The following CNTNAP2 variants were observed in gnomAD, a reference collection of about 807,000 sequenced individuals.
CNTNAP2 encodes contactin-associated protein-like 2.
In CNTNAP2, 98 loss-of-function variants were observed where a neutral mutation model predicts 155.2. The ratio of observed to expected loss-of-function variants is 0.63; its 90% CI spans 0.54 to 0.75. CNTNAP2 has a LOEUF of 0.75. Ranked by LOEUF, CNTNAP2 falls within the 30% of genes least tolerant of loss-of-function variation. The probability of loss-of-function intolerance (pLI) is 0.00; values close to 1 mark genes in which losing one functional copy is unlikely to be tolerated. For missense variants in CNTNAP2, 1,727 were observed against 1,688.1 expected, an observed-to-expected ratio of 1.02 and a Z score of -0.40; for synonymous variants, 651 against 631.2, an observed-to-expected ratio of 1.03 and a Z score of -0.47.
chr7:147,371,149 T>C (rs913636564), intron 9 of CNTNAP2, among the ~76,000 whole-genome samples: 1 of 152,140 alleles, frequency 6.6e-6, no homozygotes, highest in African/African-American at 2.4e-5. Flanking sequence ...ATGAAGACAT[T>C]GATATGAAGA....
intron 3 of CNTNAP2, among the ~76,000 whole-genome samples, chr7:146,875,934 CAAAAAAAAAAAA>C (rs56304234): frequency 1.6e-4 from 9 of 55,132 alleles, no homozygotes; most frequent in East Asian, 1.0e-3. Flanking sequence ...ACATACACAG[CAAAAAAAAAAAA>C]AAAAAAAAAA....
At chr7:147,170,424 G>A (rs1432786904) in intron 8 of CNTNAP2, among the ~76,000 whole-genome samples, 1 of 151,884 alleles carries the variant, frequency 6.6e-6, no homozygotes, top group Non-Finnish European at 1.5e-5. Context: ...CCGTGGCTTT[G>A]TTTGTTTGTT....
intron 8 of CNTNAP2, among the ~76,000 whole-genome samples, chr7:147,162,711 A>G (rs1189415427): frequency 6.6e-6 from 1 of 152,198 alleles, no homozygotes; most frequent in African/African-American, 2.4e-5. Context: ...CAGCACATCT[A>G]GAAGCATAAG....
chr7:146,985,352 C>T (rs1340801612), intron 3 of CNTNAP2, among the ~76,000 whole-genome samples: 2 of 130,136 alleles, frequency 1.5e-5, no homozygotes, highest in African/African-American at 3.1e-5. Context: ...CAGTCTTGCT[C>T]TGTCTCCCAG....
At chr7:146,131,788 A>G (rs781760201) in intron 1 of CNTNAP2, among the ~76,000 whole-genome samples, 6 of 152,110 alleles carry the variant, frequency 3.9e-5, no homozygotes, top group African/African-American at 7.2e-5. Flanking sequence ...CTTATCTTGA[A>G]TTGTAATTTC....
chr7:147,725,681 C>A (rs899094753), intron 13 of CNTNAP2, among the ~76,000 whole-genome samples: 2 of 152,078 alleles, frequency 1.3e-5, no homozygotes, highest in Admixed American at 1.3e-4. Context: ...CCACCCCAAA[C>A]AGGGCATGTA....
intron 12 of CNTNAP2, among the ~76,000 whole-genome samples, chr7:147,604,629 C>A (rs1801027197): frequency 6.6e-6 from 1 of 152,160 alleles, no homozygotes; most frequent in Admixed American, 6.6e-5. Context: ...AATTCATTTA[C>A]CTCTGTGGAA....
At chr7:148,197,663 G>A (rs1045663665) in intron 18 of CNTNAP2, among the ~76,000 whole-genome samples, 1 of 152,104 alleles carries the variant, frequency 6.6e-6, no homozygotes, top group African/African-American at 2.4e-5. Flanking sequence ...CATACACAAA[G>A]AAAAATTAAA....
At chr7:147,070,260 CT>C (rs1799864725) in intron 4 of CNTNAP2, among the ~76,000 whole-genome samples, 1 of 152,120 alleles carries the variant, frequency 6.6e-6, no homozygotes, top group Non-Finnish European at 1.5e-5. Flanking sequence ...CACGTGGAAT[CT>C]TTTGAGGGGG....
At chr7:146,229,824 A>AT (rs1799355538) in intron 1 of CNTNAP2, among the ~76,000 whole-genome samples, 1 of 152,130 alleles carries the variant, frequency 6.6e-6, no homozygotes, top group Non-Finnish European at 1.5e-5. Flanking sequence ...TATTAAAGAG[A>AT]TTTTTAAAAT....
At chr7:146,724,537 T>C (rs1240439915) in intron 1 of CNTNAP2, among the ~76,000 whole-genome samples, 1 of 151,008 alleles carries the variant, frequency 6.6e-6, no homozygotes, top group African/African-American at 2.4e-5. Flanking sequence ...CCTCTGACTT[T>C]AGAAGCATGC....
intron 14 of CNTNAP2, among the ~76,000 whole-genome samples, chr7:147,976,647 C>T (rs1261305797): frequency 6.6e-6 from 1 of 152,094 alleles, no homozygotes; most frequent in African/African-American, 2.4e-5. Flanking sequence ...TCTATGGGTC[C>T]TGACACATGA....
intron 13 of CNTNAP2, among the ~76,000 whole-genome samples, chr7:147,886,467 C>T (rs141388420): frequency 0.013 from 1,199 of 95,086 alleles, 64 homozygotes; most frequent in Admixed American, 0.12. Flanking sequence ...AAGAGGGAAA[C>T]TCCATCTCAA....
At chr7:147,337,668 T>A (rs1053026412) in intron 9 of CNTNAP2, among the ~76,000 whole-genome samples, 1 of 152,144 alleles carries the variant, frequency 6.6e-6, no homozygotes, top group Admixed American at 6.5e-5. Context: ...ATAGTCTCCA[T>A]CACAACTCCT....
At chr7:146,772,466 G>A (rs1217518656) in intron 1 of CNTNAP2, among the ~76,000 whole-genome samples, 1 of 149,018 alleles carries the variant, frequency 6.7e-6, no homozygotes, top group Non-Finnish European at 1.5e-5. Context: ...AGACCATCCT[G>A]GCTAACATGG....
intron 3 of CNTNAP2, among the ~76,000 whole-genome samples, chr7:147,017,609 T>C (rs1359973526): frequency 1.3e-5 from 2 of 152,006 alleles, no homozygotes; most frequent in Non-Finnish European, 2.9e-5. Flanking sequence ...AGATAGGAAA[T>C]AGTGAGTAAA....
chr7:147,263,940 G>C (rs1474807086), intron 8 of CNTNAP2, among the ~76,000 whole-genome samples: 1 of 152,196 alleles, frequency 6.6e-6, no homozygotes, highest in Non-Finnish European at 1.5e-5. Context: ...AGTCTATGGG[G>C]ACATCGCATT....
chr7:146,721,875 G>GTGTGTATGTATATATATA (rs1332551916), intron 1 of CNTNAP2, among the ~76,000 whole-genome samples: 1 of 76,702 alleles, frequency 1.3e-5, no homozygotes, highest in South Asian at 3.1e-4. Context: ...GTGTGTGTGT[G>GTGTGTATGTATATATATA]TATATATATA....
intron 1 of CNTNAP2, among the ~76,000 whole-genome samples, chr7:146,340,309 G>A (rs1378226730): frequency 7.2e-6 from 1 of 137,944 alleles, no homozygotes; most frequent in Non-Finnish European, 1.5e-5. Flanking sequence ...TTTTGGTTAA[G>A]CAACTTGGCT....
Sources: allele counts gnomAD v4.1 joint callset (sites outside exome capture counted in the v4.1 genomes callset), GRCh38; gene constraint gnomAD v4.1.1; transcripts MANE v1.5; gene names NCBI Gene and HGNC (gene_info 2026-07-23, HGNC 2026-07-21).